The following TMEM117 variants were observed in gnomAD, a reference collection of about 807,000 sequenced individuals.
TMEM117 encodes transmembrane protein 117.
TMEM117 carries 27 observed loss-of-function variants against 52.4 expected under a neutral mutation model. That is an observed-to-expected ratio of 0.51 (90% CI 0.38 to 0.71). The LOEUF (loss-of-function observed/expected upper bound fraction) is 0.71. TMEM117 is among the 30% of genes least tolerant of loss of function. The pLI, the probability that TMEM117 is intolerant of heterozygous loss-of-function variation, is 0.00. For missense variants in TMEM117, 556 were observed against 630.5 expected, an observed-to-expected ratio of 0.88 and a Z score of 1.26; for synonymous variants, 215 against 206.3, an observed-to-expected ratio of 1.04 and a Z score of -0.36.
chr12:43,874,156 A>G (rs1312445272), intron 2 of TMEM117, among the ~76,000 whole-genome samples: 1 of 152,086 alleles, frequency 6.6e-6, no homozygotes, highest in Non-Finnish European at 1.5e-5. Flanking sequence ...CTTCAGTAAC[A>G]TTGTAGGAAG....
chr12:44,235,703 C>G (rs1234130707), intron 5 of TMEM117, among the ~76,000 whole-genome samples: 1 of 151,546 alleles, frequency 6.6e-6, no homozygotes, highest in Admixed American at 6.6e-5. Context: ...TTCCATCATT[C>G]CTTCTGCTTG....
intron 2 of TMEM117, among the ~76,000 whole-genome samples, chr12:43,848,735 A>G (rs181211391): frequency 3.6e-4 from 55 of 152,358 alleles, no homozygotes; most frequent in African/African-American, 1.3e-3. Context: ...AGATAACAGG[A>G]TTAAGAGATT....
chr12:44,331,066 T>TCA (rs1312435931), intron 6 of TMEM117, among the ~76,000 whole-genome samples: 1 of 151,974 alleles, frequency 6.6e-6, no homozygotes, highest in Non-Finnish European at 1.5e-5. Context: ...AAGTGTAGAA[T>TCA]CACAACATTT....
At chr12:44,110,160 C>T (rs1218699759) in intron 3 of TMEM117, among the ~76,000 whole-genome samples, 1 of 111,762 alleles carries the variant, frequency 8.9e-6, no homozygotes, top group South Asian at 3.5e-4. Context: ...CAAACAGGGA[C>T]AATTTGACTT....
intron 3 of TMEM117, among the ~76,000 whole-genome samples, chr12:44,005,620 A>G (rs916999329): frequency 2.6e-5 from 4 of 152,170 alleles, no homozygotes; most frequent in African/African-American, 9.7e-5. Flanking sequence ...GCCATTCTCA[A>G]TAAATCAGTT....
chr12:43,898,825 A>C (rs950583964), intron 2 of TMEM117, among the ~76,000 whole-genome samples: 2 of 152,248 alleles, frequency 1.3e-5, no homozygotes, highest in Non-Finnish European at 2.9e-5. Context: ...GAGTCTAAGA[A>C]GATCTACCGA....
At chr12:44,239,820 A>C (rs1950040667) in intron 5 of TMEM117, among the ~76,000 whole-genome samples, 1 of 152,126 alleles carries the variant, frequency 6.6e-6, no homozygotes, top group Non-Finnish European at 1.5e-5. Flanking sequence ...TTATAAAAAA[A>C]AGATAGTTGC....
intron 2 of TMEM117, among the ~76,000 whole-genome samples, chr12:43,914,429 T>G (rs545271899): frequency 6.6e-6 from 1 of 152,288 alleles, no homozygotes; most frequent in South Asian, 2.1e-4. Context: ...ATCTGGCAAT[T>G]GAATGAACTA....
At chr12:43,828,346 C>T in the TMEM117 span, among the ~76,000 whole-genome samples, 281 of 152,320 alleles carry the variant, frequency 1.8e-3, 3 homozygotes, top group African/African-American at 6.4e-3. Flanking sequence ...AATAGGCCAG[C>T]CAGGCCTCAG....
chr12:44,254,768 A>G (rs1002162465), intron 5 of TMEM117, among the ~76,000 whole-genome samples: 1 of 151,904 alleles, frequency 6.6e-6, no homozygotes, highest in Non-Finnish European at 1.5e-5. Context: ...TTAACTCGTC[A>G]TTTAGCATTA....
rs141229319 is a variant in TMEM117 at position 44,179,897 on chromosome 12, G to A, written c.511-31393G>A. ...CAACAATTCATTGTGGGCTGTCCTG[G>A]TTGGCAGATGGCTTTCTTCCATGTT... On this transcript the variant is annotated intron_variant, in intron 4 of 7. Coordinates refer to ENST00000266534, the MANE Select transcript of TMEM117 (RefSeq NM_032256.3). 2.8e-3 allele frequency among the ~76,000 whole-genome samples: 433 copies of A among 152,282 alleles called. 3 individuals carry two copies. Among genetic ancestry groups the A allele is most frequent in the South Asian group, 7.7e-3 (37 of 4,826 alleles).
chr12:43,975,605 A>T (rs1348915650), intron 3 of TMEM117, among the ~76,000 whole-genome samples: 2 of 152,210 alleles, frequency 1.3e-5, no homozygotes, highest in African/African-American at 4.8e-5. Flanking sequence ...TGTTAGCTAC[A>T]TGGAGTTTTC....
intron 3 of TMEM117, among the ~76,000 whole-genome samples, chr12:44,011,059 G>A (rs988418838): frequency 4.6e-5 from 7 of 152,146 alleles, no homozygotes; most frequent in African/African-American, 1.7e-4. Context: ...TTTCCTGCAA[G>A]ATAGGTCTAC....
chr12:44,391,006 T>A (rs931698358), downstream of TMEM117, among the ~76,000 whole-genome samples: 3 of 152,028 alleles, frequency 2.0e-5, no homozygotes, highest in African/African-American at 7.2e-5. Context: ...TCTCAGAAAT[T>A]GAGGTTAAAA....
At chr12:44,167,819 C>G (rs1209353344) in intron 4 of TMEM117, among the ~76,000 whole-genome samples, 1 of 152,130 alleles carries the variant, frequency 6.6e-6, no homozygotes, top group Non-Finnish European at 1.5e-5. Flanking sequence ...GTTCTGAGGT[C>G]TGCATTACAT....
chr12:44,177,689 AC>A (rs1949135113), intron 4 of TMEM117, among the ~76,000 whole-genome samples: 1 of 152,182 alleles, frequency 6.6e-6, no homozygotes, highest in Non-Finnish European at 1.5e-5. Flanking sequence ...TTGGGTATGA[AC>A]TGATTAAAAT....
At chr12:44,192,846 A>G (rs1438030933) in intron 4 of TMEM117, among the ~76,000 whole-genome samples, 3 of 152,178 alleles carry the variant, frequency 2.0e-5, no homozygotes, top group African/African-American at 7.2e-5. Flanking sequence ...GTTCTATAAA[A>G]TTGGGAACAT....
chr12:44,027,821 GCCT>G (rs1946566660), intron 3 of TMEM117, among the ~76,000 whole-genome samples: 1 of 152,136 alleles, frequency 6.6e-6, no homozygotes, highest in Non-Finnish European at 1.5e-5. Context: ...GTGAGTTCAG[GCCT>G]TTGGACCCCT....
chr12:44,186,406 T>C, intron 4 of TMEM117, among the ~76,000 whole-genome samples: 1 of 152,208 alleles, frequency 6.6e-6, no homozygotes, highest in Non-Finnish European at 1.5e-5. Flanking sequence ...GTTTGTTTAA[T>C]TGATAGCCAA....
Sources: allele counts gnomAD v4.1 joint callset (sites outside exome capture counted in the v4.1 genomes callset), GRCh38; gene constraint gnomAD v4.1.1; transcripts MANE v1.5; gene names NCBI Gene and HGNC (gene_info 2026-07-23, HGNC 2026-07-21).